REDIC1: variants seen among roughly 807,000 people sequenced by gnomAD.
REDIC1 encodes HEI10 Interacting Protein 1.
At chr12:39,673,246 T>C in the REDIC1 span, among the ~76,000 whole-genome samples, 6 of 152,298 alleles carry the variant, frequency 3.9e-5, no homozygotes, top group African/African-American at 1.2e-4. Flanking sequence ...ACTACTTTGA[T>C]TCTTTGTGGA....
At chr12:39,895,918 ATATATGTG>A in the REDIC1 span, among the ~76,000 whole-genome samples, 5 of 137,704 alleles carry the variant, frequency 3.6e-5, no homozygotes, top group Admixed American at 8.6e-5. Flanking sequence ...ATATGTATGC[ATATATGTG>A]TATATGTGTA....
the REDIC1 span, among the ~76,000 whole-genome samples, chr12:39,875,096 A>G: frequency 6.6e-6 from 1 of 152,218 alleles, no homozygotes; most frequent in Non-Finnish European, 1.5e-5. Flanking sequence ...ATGACAAATT[A>G]CCACAAGGTT....
At chr12:39,781,335 C>T in the REDIC1 span, among the ~76,000 whole-genome samples, 156 of 152,200 alleles carry the variant, frequency 1.0e-3, 1 homozygote, top group South Asian at 0.031. Context: ...CTGTCACACC[C>T]AGTCTCCTAA....
the REDIC1 span, among the ~76,000 whole-genome samples, chr12:39,664,181 C>T: frequency 7.9e-5 from 12 of 151,322 alleles, no homozygotes; most frequent in East Asian, 2.0e-3. Context: ...CCCATTAACT[C>T]GTCATTTAAC....
the REDIC1 span, chr12:39,720,648 G>A: frequency 2.8e-6 from 2 of 708,078 alleles, no homozygotes; most frequent in Non-Finnish European, 4.8e-6. Context: ...TACCTGCTTT[G>A]ATTTGTAACT....
chr12:39,676,728 G>A, the REDIC1 span, among the ~76,000 whole-genome samples: 1 of 152,012 alleles, frequency 6.6e-6, no homozygotes, highest in East Asian at 1.9e-4. Flanking sequence ...AACCTACAAA[G>A]GAAAACCTGT....
the REDIC1 span, among the ~76,000 whole-genome samples, chr12:39,693,998 G>A: frequency 6.6e-6 from 1 of 152,178 alleles, no homozygotes; most frequent in African/African-American, 2.4e-5. Context: ...GAATCTCACA[G>A]GGGGACGGAT....
At chr12:39,865,936 T>A in the REDIC1 span, among the ~76,000 whole-genome samples, 1 of 152,212 alleles carries the variant, frequency 6.6e-6, no homozygotes, top group South Asian at 2.1e-4. Context: ...AGTGTGCTTA[T>A]TATCTGGGTG....
the REDIC1 span, among the ~76,000 whole-genome samples, chr12:39,805,025 A>AGAAGCCTGCTGGAGG: frequency 2.7e-5 from 4 of 147,662 alleles, no homozygotes; most frequent in Non-Finnish European, 6.0e-5. Context: ...CCTGCTGGAG[A>AGAAGCCTGCTGGAGG]GAGAAGCCTG....
chr12:39,816,721 A>G, the REDIC1 span, among the ~76,000 whole-genome samples: 1 of 152,018 alleles, frequency 6.6e-6, no homozygotes, highest in Non-Finnish European at 1.5e-5. Context: ...ACAAACAAAT[A>G]AGCCTGTCCT....
At chr12:39,686,705 G>A in the REDIC1 span, among the ~76,000 whole-genome samples, 5 of 150,574 alleles carry the variant, frequency 3.3e-5, no homozygotes, top group East Asian at 1.9e-4. Flanking sequence ...ATTCCTTCCC[G>A]GAAAATGGGC....
the REDIC1 span, among the ~76,000 whole-genome samples, chr12:39,848,883 G>C: frequency 4.6e-5 from 7 of 152,152 alleles, no homozygotes; most frequent in Non-Finnish European, 1.0e-4. Flanking sequence ...AACATGGATG[G>C]AGCTGGAGGC....
chr12:39,692,598 G>C, the REDIC1 span, among the ~76,000 whole-genome samples: 1 of 151,058 alleles, frequency 6.6e-6, no homozygotes. Context: ...TGTAGCTCTA[G>C]TACATTTATT....
chr12:39,759,995 T>C, the REDIC1 span: 2 of 1,567,382 alleles, frequency 1.3e-6, no homozygotes, highest in Non-Finnish European at 1.8e-6. Flanking sequence ...CCCAGTTTGT[T>C]TAAATAACTA....
chr12:39,797,378 T>C, the REDIC1 span, among the ~76,000 whole-genome samples: 1 of 152,168 alleles, frequency 6.6e-6, no homozygotes, highest in African/African-American at 2.4e-5. Context: ...ATAATCCTAT[T>C]TTCCTATTTC....
the REDIC1 span, chr12:39,760,295 G>C: frequency 2.0e-6 from 3 of 1,531,218 alleles, no homozygotes; most frequent in Admixed American, 5.6e-5. Context: ...AATATATAGA[G>C]AGAGGCTTAA....
At chr12:39,741,297 T>C in the REDIC1 span, among the ~76,000 whole-genome samples, 1 of 152,132 alleles carries the variant, frequency 6.6e-6, no homozygotes, top group Non-Finnish European at 1.5e-5. Flanking sequence ...TTCCTCTCCT[T>C]TAAAAAAAAA....
the REDIC1 span, among the ~76,000 whole-genome samples, chr12:39,772,321 G>C: frequency 6.6e-6 from 1 of 151,970 alleles, no homozygotes; most frequent in Non-Finnish European, 1.5e-5. Context: ...GTCCATATAG[G>C]GTTGTTACAA....
At chr12:39,759,563 T>C in the REDIC1 span, 1 of 154,094 alleles carries the variant, frequency 6.5e-6, no homozygotes, top group African/African-American at 2.4e-5. Context: ...GATAAGCCAC[T>C]ACTCTGTAGG....
Sources: gnomAD v4.1 joint callset for allele counts (sites outside exome capture counted in the v4.1 genomes callset) on GRCh38, gnomAD v4.1.1 for gene constraint, MANE v1.5 for transcripts, NCBI Gene and HGNC (gene_info 2026-07-23, HGNC 2026-07-21) for gene names.